The following POU6F2 variants were observed in gnomAD, a reference collection of about 807,000 sequenced individuals.
POU6F2 encodes POU class 6 homeobox 2, also known as POU domain, class 6, transcription factor 2.
Under a neutral mutation model 71.3 loss-of-function variants are expected in POU6F2, and 31 were observed. The ratio of observed to expected loss-of-function variants is 0.43; its 90% CI spans 0.33 to 0.59. POU6F2 has a LOEUF of 0.59. Among genes scored for constraint, POU6F2 ranks in the 20% least tolerant of loss-of-function variants. POU6F2 has a pLI of 0.04. For synonymous variants in POU6F2, 347 were observed against 355.7 expected (o/e 0.98, Z 0.27); for missense variants, 783 against 856.8 (o/e 0.91, Z 1.07).
At chr7:39,438,408 A>C (rs1788304475) in intron 7 of POU6F2, among the ~76,000 whole-genome samples, 1 of 152,186 alleles carries the variant, frequency 6.6e-6, no homozygotes, top group African/African-American at 2.4e-5. Context: ...ATAAACATAC[A>C]TGTGCATGTG....
At chr7:39,081,505 G>A (rs1791117348) in intron 1 of POU6F2, among the ~76,000 whole-genome samples, 2 of 152,114 alleles carry the variant, frequency 1.3e-5, no homozygotes, top group African/African-American at 2.4e-5. Flanking sequence ...ATGTACTTTG[G>A]GAAATATTGT....
At chr7:39,185,887 TTATATGTATATGTATA>T (rs1190470519) in intron 2 of POU6F2, among the ~76,000 whole-genome samples, 1 of 148,346 alleles carries the variant, frequency 6.7e-6, no homozygotes, top group Admixed American at 6.8e-5. Context: ...ATGTATATAT[TTATATGTATATGTATA>T]TATATGTATA....
chr7:39,269,574 A>G (rs1007729223), intron 4 of POU6F2, among the ~76,000 whole-genome samples: 2 of 152,160 alleles, frequency 1.3e-5, no homozygotes, highest in African/African-American at 2.4e-5. Context: ...CTCATCCTAT[A>G]AGTGGTTCTT....
chr7:39,063,731 A>T (rs1222208067), intron 1 of POU6F2, among the ~76,000 whole-genome samples: 1 of 151,944 alleles, frequency 6.6e-6, no homozygotes, highest in African/African-American at 2.4e-5. Flanking sequence ...CATTTTTTTT[A>T]AATGACAAAA....
chr7:39,164,183 T>A (rs1484057704), intron 2 of POU6F2, among the ~76,000 whole-genome samples: 1 of 151,918 alleles, frequency 6.6e-6, no homozygotes, highest in Non-Finnish European at 1.5e-5. Flanking sequence ...TCAAAACATG[T>A]TGTATATATT....
chr7:39,028,723 T>C (rs1349420145), intron 1 of POU6F2, among the ~76,000 whole-genome samples: 1 of 152,210 alleles, frequency 6.6e-6, no homozygotes, highest in East Asian at 1.9e-4. Context: ...CAAAATAGTT[T>C]ATACATATAC....
intron 2 of POU6F2, among the ~76,000 whole-genome samples, chr7:39,141,429 A>G (rs1337639831): frequency 2.0e-5 from 3 of 152,110 alleles, no homozygotes; most frequent in Non-Finnish European, 4.4e-5. Context: ...AGACATCTGA[A>G]CCTACTCAGT....
intron 4 of POU6F2, among the ~76,000 whole-genome samples, chr7:39,321,916 G>T (rs1221279009): frequency 6.6e-6 from 1 of 151,648 alleles, no homozygotes; most frequent in Non-Finnish European, 1.5e-5. Flanking sequence ...CAGAGAGAGA[G>T]ATAGAGAGAG....
At position 39,068,490 on chromosome 7, in the gene POU6F2, C is replaced by CATATATATATATATATATATATAT. The variant is rs3057275; in HGVS notation, c.106-17353_106-17352insTATATATATATATATATATATATA. 8.9e-3 allele frequency among the ~76,000 whole-genome samples: 1,298 copies of CATATATATATATATATATATATAT among 146,228 alleles called. 26 individuals are homozygous for CATATATATATATATATATATATAT. The highest frequency in any genetic ancestry group is 0.026 in the African/African-American group (994 of 38,110). On this transcript the variant is annotated intron_variant, in intron 1 of 9. Coordinates refer to ENST00000518318, the MANE Select transcript of POU6F2 (RefSeq NM_001370959.1). ...AGATTATATATACACCTAGTACATGCATATATATATATATATAATTTTCAT... is the reference window on the plus strand; with the variant it reads ...AGATTATATATACACCTAGTACATGCATATATATATATATATATATATATATATATATATATATATAATTTTCAT...
At chr7:39,232,078 G>A (rs1262657455) in intron 4 of POU6F2, among the ~76,000 whole-genome samples, 1 of 152,080 alleles carries the variant, frequency 6.6e-6, no homozygotes, top group Non-Finnish European at 1.5e-5. Context: ...AGATAGAAAA[G>A]TCAAAGTATA....
intron 4 of POU6F2, among the ~76,000 whole-genome samples, chr7:39,276,967 G>A (rs1483998269): frequency 6.6e-6 from 1 of 151,736 alleles, no homozygotes; most frequent in African/African-American, 2.4e-5. Context: ...ACGAGTTAAT[G>A]GGTGCAGCAC....
intron 2 of POU6F2, among the ~76,000 whole-genome samples, chr7:39,124,734 C>G (rs1323211608): frequency 6.6e-6 from 1 of 152,202 alleles, no homozygotes; most frequent in East Asian, 1.9e-4. Context: ...ATGTGCCCCA[C>G]AGAACAACCC....
chr7:39,193,092 C>T lies in POU6F2; in HGVS notation c.278-11143C>T, dbSNP rs534479689. On this transcript the variant is annotated intron_variant, in intron 2 of 9. Coordinates refer to ENST00000518318, the MANE Select transcript of POU6F2 (RefSeq NM_001370959.1). The stretch of plus-strand genomic sequence containing the variant: ...GGCTTGACTGGGACCTGAGCATCTG[C>T]CTTTCTCACAAGGTCCCAAGGGATG... Among the ~76,000 whole-genome samples, 4 of 152,270 alleles carry T rather than the reference C, an allele frequency of 2.6e-5. No individual in the cohort carries two copies. In the South Asian group the frequency reaches 8.3e-4, roughly 32 times the overall value.
rs778167682 is a variant in POU6F2 at position 39,085,950 on chromosome 7, A to C, written c.196A>C (p.Thr66Pro). ...AELRGEDKAATSDSELNEPLL... is the reference protein window; with the variant it reads ...AELRGEDKAAPSDSELNEPLL... ...GTTGAGAGGTGAGGACAAGGCTGCT[A>C]CTTCAGACAGCGAGCTGAATGAGCC... The change falls in exon 2 of 10, where the codon ACT (threonine) becomes CCT (proline). Residue 66 changes from threonine to proline, a missense_variant. By Grantham distance (38) the Thr-to-Pro change is conservative. Around this residue, in one of 2 missense-constraint regions of POU6F2, gnomAD observed 572 missense variants for 572.9 expected, o/e 1.00. Transcript: ENST00000518318. 6.2e-7 allele frequency: 1 copy of C among 1,613,758 alleles called. No homozygotes were observed. The highest frequency in any genetic ancestry group is 1.7e-5 in the Admixed American group (1 of 59,972).
At chr7:39,203,926 T>C (rs1464224692) in intron 2 of POU6F2, among the ~76,000 whole-genome samples, 1 of 152,144 alleles carries the variant, frequency 6.6e-6, no homozygotes, top group Admixed American at 6.5e-5. Context: ...ACATTTTGTT[T>C]AATTTTAGGA....
intron 4 of POU6F2, among the ~76,000 whole-genome samples, chr7:39,231,210 G>A (rs1228779515): frequency 6.6e-6 from 1 of 152,208 alleles, no homozygotes; most frequent in Non-Finnish European, 1.5e-5. Flanking sequence ...ATCTGAAAGT[G>A]TAAGTGTGTT....
chr7:39,217,386 GA>G (rs1300661374), intron 4 of POU6F2, among the ~76,000 whole-genome samples: 3 of 152,144 alleles, frequency 2.0e-5, no homozygotes, highest in Admixed American at 6.5e-5. Context: ...CATTCTTGAG[GA>G]AGACAAGTAG....
chr7:39,307,797 G>A (rs1440032863), intron 4 of POU6F2, among the ~76,000 whole-genome samples: 3 of 151,950 alleles, frequency 2.0e-5, no homozygotes, highest in Non-Finnish European at 4.4e-5. Flanking sequence ...GCAAAACCCC[G>A]TCTCTACTAA....
intron 8 of POU6F2, among the ~76,000 whole-genome samples, chr7:39,454,685 T>G (rs868844222): frequency 0.13 from 2,611 of 19,886 alleles, 405 homozygotes; most frequent in East Asian, 0.25. Flanking sequence ...TATATATATA[T>G]ATATATATAT....
Sources: allele counts gnomAD v4.1 joint callset (sites outside exome capture counted in the v4.1 genomes callset), GRCh38; gene constraint gnomAD v4.1.1; regional missense constraint gnomAD v4.1.1; transcripts MANE v1.5; gene names NCBI Gene and HGNC (gene_info 2026-07-23, HGNC 2026-07-21).